The following ANKMY2 variants were observed in gnomAD, a reference collection of about 807,000 sequenced individuals.
ANKMY2 encodes ankyrin repeat and MYND domain-containing protein 2.
In ANKMY2, 36 loss-of-function variants were observed where a neutral mutation model predicts 50.4. That is an observed-to-expected ratio of 0.71 (90% CI 0.55 to 0.94). The LOEUF (loss-of-function observed/expected upper bound fraction) is 0.94. Among genes scored for constraint, ANKMY2 ranks in the 40% least tolerant of loss-of-function variants. The pLI is 0.00. For synonymous variants in ANKMY2, 187 were observed against 178.8 expected (o/e 1.05, Z -0.36); for missense variants, 565 against 524.0 (o/e 1.08, Z -0.76).
chr7:16,604,813 C>CTTG lies in ANKMY2; in HGVS notation c.916_918dup (p.Gln306dup), dbSNP rs1364270896. On this transcript the variant is annotated inframe_insertion, in exon 8 of 10. Coordinates refer to ENST00000306999, the MANE Select transcript of ANKMY2 (RefSeq NM_020319.3). ...ACAAAACCCACCTGGCCAGTGATGG[C>CTTG]TTGGGTAAGGACGGAGAATGCAGTG... The CTTG allele has an allele frequency of 4.3e-6, 7 of 1,613,898 alleles. No individual in the cohort carries two copies. Among genetic ancestry groups the CTTG allele is most frequent in the Non-Finnish European group, 5.9e-6 (7 of 1,179,942 alleles).
chr7:16,636,832 C>T (rs1214631050), intron 1 of ANKMY2, among the ~76,000 whole-genome samples: 3 of 152,134 alleles, frequency 2.0e-5, no homozygotes, highest in African/African-American at 7.2e-5. Context: ...CAATGTAATA[C>T]TTGGAATTCA....
chr7:16,614,845 G>T (rs182556831), intron 5 of ANKMY2, among the ~76,000 whole-genome samples: 2 of 152,202 alleles, frequency 1.3e-5, no homozygotes, highest in Non-Finnish European at 2.9e-5. Context: ...ATCTTTATGA[G>T]TAAAAGCATG....
intron 3 of ANKMY2, 89 bp downstream of exon 3, chr7:16,626,951 A>G: frequency 2.6e-6 from 3 of 1,151,900 alleles, no homozygotes; most frequent in Non-Finnish European, 3.4e-6. Flanking sequence ...TAAAATTACT[A>G]AAATCAAAAT....
chr7:16,625,463 T>A (rs1463046197), intron 3 of ANKMY2, among the ~76,000 whole-genome samples: 4 of 152,170 alleles, frequency 2.6e-5, no homozygotes, highest in Non-Finnish European at 1.5e-5. Context: ...ATCCATCCCA[T>A]TCCTCACACT....
At chr7:16,604,439 T>C (rs1231090033) in intron 8 of ANKMY2, among the ~76,000 whole-genome samples, 2 of 152,184 alleles carry the variant, frequency 1.3e-5, no homozygotes, top group African/African-American at 4.8e-5. Context: ...ACCTTTCTCT[T>C]ATTTTCTCAT....
chr7:16,603,776 T>G, intron 8 of ANKMY2: 1 of 461,026 alleles, frequency 2.2e-6, no homozygotes, highest in South Asian at 1.6e-5. Flanking sequence ...TGTTTCTACC[T>G]GCCCATGTGT....
At chr7:16,622,219 C>A (rs1334859364) in intron 4 of ANKMY2, among the ~76,000 whole-genome samples, 1 of 151,882 alleles carries the variant, frequency 6.6e-6, no homozygotes, top group Non-Finnish European at 1.5e-5. Context: ...GGCATCCCCC[C>A]ACAAAAAAAT....
rs35504966 is a variant in ANKMY2, at chr7:16,600,829, G to A, written c.1258C>T (p.Leu420Phe). 6.7e-3 allele frequency: 10,774 copies of A among 1,613,612 alleles called. 139 individuals are homozygous for A. The highest frequency in any genetic ancestry group is 0.056 in the Middle Eastern group (338 of 6,062). The change falls in exon 10 of 10, where the codon CTT (leucine) becomes TTT (phenylalanine). Residue 420 changes from leucine to phenylalanine, a missense_variant. Transcript: ENST00000306999. ...EDSGEGKKES[L>F]ESEAELEGLQ... ...CCTTCCAACTCAGCTTCGCTTTCAA[G>A]AGATTCTTTCTTTCCTTCCCCGGAA...
At chr7:16,610,855 CAAAG>C (rs1320963719) in intron 5 of ANKMY2, 92 bp from the exon 6 acceptor site, 1 of 1,086,530 alleles carries the variant, frequency 9.2e-7, no homozygotes. Flanking sequence ...AAAAGATTAC[CAAAG>C]AAAGCCTTCC....
At chr7:16,602,082 A>T (rs902919281) in intron 9 of ANKMY2, among the ~76,000 whole-genome samples, 2 of 152,200 alleles carry the variant, frequency 1.3e-5, no homozygotes, top group African/African-American at 4.8e-5. Flanking sequence ...TGAGCAGAAT[A>T]TAAGTTAATA....
rs1033510865 is a variant in ANKMY2, at chr7:16,600,897, T to C, written c.1190A>G (p.Glu397Gly). Residue 397 changes from glutamate (E) to glycine (G), a missense_variant, in exon 10 of 10, where the codon GAG (glutamate) becomes GGG (glycine). By Grantham distance (98) the Glu-to-Gly change is moderately conservative (BLOSUM62 -2). Transcript: ENST00000306999. ...CTTTTGAGAGATACCTACTTCAGCC[T>C]CTGGTTGCTCTTCATTAACACAGTT... ...NSNCVNEEQPEAEVGISQKDS... is the reference protein window; with the variant it reads ...NSNCVNEEQPGAEVGISQKDS... 2.5e-6 allele frequency: 4 copies of C among 1,611,100 alleles called. No homozygotes were observed. Among genetic ancestry groups the C allele is most frequent in the Admixed American group, 3.4e-5 (2 of 59,234 alleles).
intron 4 of ANKMY2, among the ~76,000 whole-genome samples, chr7:16,622,693 T>G (rs991291410): frequency 4.0e-5 from 6 of 151,744 alleles, no homozygotes; most frequent in African/African-American, 1.5e-4. Context: ...TGAGCTGAGG[T>G]TGGGCCACTG....
intron 1 of ANKMY2, among the ~76,000 whole-genome samples, chr7:16,639,566 T>C (rs1207247251): frequency 2.0e-5 from 3 of 152,132 alleles, no homozygotes; most frequent in East Asian, 3.9e-4. Flanking sequence ...AAAGATTATG[T>C]ACATAATATT....
At chr7:16,631,370 T>C (rs1781578642) in intron 2 of ANKMY2, among the ~76,000 whole-genome samples, 1 of 152,212 alleles carries the variant, frequency 6.6e-6, no homozygotes, top group South Asian at 2.1e-4. Flanking sequence ...GTCCATAGTT[T>C]TGTGAAACTT....
At chr7:16,623,183 A>G (rs1781464576) in intron 4 of ANKMY2, among the ~76,000 whole-genome samples, 1 of 152,224 alleles carries the variant, frequency 6.6e-6, no homozygotes, top group African/African-American at 2.4e-5. Context: ...ATACTGATCC[A>G]CTTGAAGGAA....
intron 9 of ANKMY2, 23 bp from the exon 10 acceptor site, chr7:16,600,968 A>G: frequency 6.4e-7 from 1 of 1,558,484 alleles, no homozygotes; most frequent in South Asian, 1.2e-5. Context: ...AGAAGAAGTT[A>G]TTTTGTTCCT....
At chr7:16,606,009 G>T (rs1781154496) in intron 7 of ANKMY2, among the ~76,000 whole-genome samples, 1 of 151,838 alleles carries the variant, frequency 6.6e-6, no homozygotes, top group African/African-American at 2.4e-5. Flanking sequence ...AGTAGAGACA[G>T]GATTTCACCA....
chr7:16,644,635 T>A, intron 1 of ANKMY2: 1 of 469,964 alleles, frequency 2.1e-6, no homozygotes, highest in Non-Finnish European at 4.4e-6. Flanking sequence ...CGCATCACCA[T>A]CCCTGCACCG....
At chr7:16,626,746 T>C (rs1781512221) in intron 3 of ANKMY2, among the ~76,000 whole-genome samples, 1 of 152,150 alleles carries the variant, frequency 6.6e-6, no homozygotes, top group Non-Finnish European at 1.5e-5. Flanking sequence ...TATAAAGATA[T>C]AGAACATCAA....
Sources: gnomAD v4.1 joint callset for allele counts (sites outside exome capture counted in the v4.1 genomes callset) on GRCh38, gnomAD v4.1.1 for gene constraint, MANE v1.5 for transcripts, NCBI Gene and HGNC (gene_info 2026-07-23, HGNC 2026-07-21) for gene names.